Variants in EPHA3 observed in about 807,000 individuals in gnomAD.
EPHA3 encodes ephrin type-A receptor 3.
EPHA3 carries 42 observed loss-of-function variants against 107.1 expected under a neutral mutation model. The observed-to-expected ratio is 0.39, with a 90% CI of 0.31 to 0.51. EPHA3 has a LOEUF of 0.51. Ranked by LOEUF, EPHA3 falls within the 20% of genes least tolerant of loss-of-function variation. The pLI is 0.78. For synonymous variants in EPHA3, 461 were observed against 424.8 expected (o/e 1.09, Z -1.05); for missense variants, 1,183 against 1,211.2 (o/e 0.98, Z 0.35).
intron 3 of EPHA3, among the ~76,000 whole-genome samples, chr3:89,272,149 T>G (rs975100439): frequency 6.6e-6 from 1 of 151,884 alleles, no homozygotes; most frequent in Admixed American, 6.6e-5. Flanking sequence ...CAGTAGGCTA[T>G]TAGTAAAGTT....
intron 3 of EPHA3, among the ~76,000 whole-genome samples, chr3:89,307,732 T>C (rs1378581317): frequency 6.6e-6 from 1 of 152,064 alleles, no homozygotes; most frequent in Non-Finnish European, 1.5e-5. Context: ...TTGTATTTTT[T>C]TGCAGAGACA....
intron 13 of EPHA3, among the ~76,000 whole-genome samples, chr3:89,446,208 A>G (rs373373410): frequency 2.0e-5 from 3 of 152,186 alleles, no homozygotes; most frequent in African/African-American, 7.2e-5. Flanking sequence ...GTAACCATGT[A>G]TTTCATTAGA....
chr3:89,205,049 T>C (rs1408146905), intron 2 of EPHA3, among the ~76,000 whole-genome samples: 1 of 152,174 alleles, frequency 6.6e-6, no homozygotes, highest in African/African-American at 2.4e-5. Context: ...TATATTGTCA[T>C]CCACAAATTT....
At chr3:89,471,421 T>C (rs1041874471) in intron 15 of EPHA3, among the ~76,000 whole-genome samples, 3 of 152,136 alleles carry the variant, frequency 2.0e-5, no homozygotes, top group Non-Finnish European at 2.9e-5. Flanking sequence ...CAGGCTGGAG[T>C]GCAATGGCAT....
chr3:89,445,169 G>A lies in EPHA3; in HGVS notation c.2347-4056G>A, dbSNP rs548085507. Among the ~76,000 whole-genome samples the A allele has an allele frequency of 3.7e-3, 565 of 152,236 alleles. 2 individuals carry two copies. Among genetic ancestry groups the A allele is most frequent in the African/African-American group, 0.013 (554 of 41,546 alleles). On this transcript the variant is annotated intron_variant, in intron 13 of 16. Coordinates refer to ENST00000336596, the MANE Select transcript of EPHA3 (RefSeq NM_005233.6). ...TAATCCCAGCTACTAAGGAGGCTGAGGCACAAGAATTGCTTGAGCCTGAGA... is the reference window on the plus strand; with the variant it reads ...TAATCCCAGCTACTAAGGAGGCTGAAGCACAAGAATTGCTTGAGCCTGAGA...
At chr3:89,390,870 C>T (rs567904841) in intron 5 of EPHA3, among the ~76,000 whole-genome samples, 61 of 148,644 alleles carry the variant, frequency 4.1e-4, no homozygotes, top group African/African-American at 1.5e-3. Context: ...CACTTGCAAC[C>T]TCCGCCTCCC....
intron 3 of EPHA3, among the ~76,000 whole-genome samples, chr3:89,236,233 C>A (rs994606237): frequency 2.6e-5 from 4 of 151,712 alleles, no homozygotes; most frequent in Non-Finnish European, 5.9e-5. Flanking sequence ...TAAATATATA[C>A]CCCCCAAAAA....
chr3:89,231,489 T>A (rs1443240759), intron 3 of EPHA3, among the ~76,000 whole-genome samples: 1 of 152,224 alleles, frequency 6.6e-6, no homozygotes, highest in Non-Finnish European at 1.5e-5. Flanking sequence ...CTTCCTTCCC[T>A]CATCTAGCTC....
At chr3:89,191,687 G>T (rs866722721) in intron 2 of EPHA3, among the ~76,000 whole-genome samples, 31 of 152,024 alleles carry the variant, frequency 2.0e-4, no homozygotes, top group African/African-American at 6.8e-4. Context: ...TGGTTAATTG[G>T]TTACCCAGTT....
At chr3:89,476,756 C>T (rs1242898071) in intron 16 of EPHA3, among the ~76,000 whole-genome samples, 2 of 151,530 alleles carry the variant, frequency 1.3e-5, no homozygotes, top group Non-Finnish European at 2.9e-5. Context: ...TACAGGCGCC[C>T]GCCACCACGC....
At chr3:89,397,332 C>T (rs1708869553) in intron 6 of EPHA3, among the ~76,000 whole-genome samples, 2 of 152,054 alleles carry the variant, frequency 1.3e-5, no homozygotes, top group South Asian at 4.1e-4. Context: ...GATCTATTTT[C>T]AGAAGTGTGA....
intron 3 of EPHA3, among the ~76,000 whole-genome samples, chr3:89,268,182 A>T (rs1705583013): frequency 6.6e-6 from 1 of 152,124 alleles, no homozygotes; most frequent in South Asian, 2.1e-4. Flanking sequence ...GAAACAATTC[A>T]CTTGCCCCAG....
At chr3:89,306,213 A>G (rs1475367664) in intron 3 of EPHA3, among the ~76,000 whole-genome samples, 14 of 152,180 alleles carry the variant, frequency 9.2e-5, no homozygotes, top group African/African-American at 3.4e-4. Context: ...CCTGAGGCAC[A>G]AAGAGATTAG....
intron 2 of EPHA3, among the ~76,000 whole-genome samples, chr3:89,133,898 T>C (rs1704256866): frequency 1.3e-5 from 2 of 152,158 alleles, no homozygotes; most frequent in African/African-American, 4.8e-5. Flanking sequence ...TTGGAGCTTC[T>C]TCTTGGTCGA....
chr3:89,180,971 G>A (rs1705431108), intron 2 of EPHA3, among the ~76,000 whole-genome samples: 1 of 151,842 alleles, frequency 6.6e-6, no homozygotes, highest in African/African-American at 2.4e-5. Context: ...CCAAGTGACT[G>A]ATAAACCCCT....
At chr3:89,121,260 A>AAAT (rs1553703667) in intron 1 of EPHA3, among the ~76,000 whole-genome samples, 3 of 151,204 alleles carry the variant, frequency 2.0e-5, no homozygotes, top group African/African-American at 4.9e-5. Context: ...ATAAATAAAT[A>AAAT]AAATAAATTA....
At chr3:89,311,354 C>A (rs1264763468) in intron 3 of EPHA3, among the ~76,000 whole-genome samples, 1 of 152,008 alleles carries the variant, frequency 6.6e-6, no homozygotes, top group Middle Eastern at 3.4e-3. Flanking sequence ...ATTACAATTT[C>A]TTTGTTCTTG....
chr3:89,129,437 C>T (rs887133195), intron 2 of EPHA3, among the ~76,000 whole-genome samples: 1 of 151,976 alleles, frequency 6.6e-6, no homozygotes, highest in African/African-American at 2.4e-5. Flanking sequence ...ATGAAACTTA[C>T]AATACCTGAG....
At chr3:89,207,736 T>C (rs1313672674) in intron 2 of EPHA3, among the ~76,000 whole-genome samples, 1 of 152,086 alleles carries the variant, frequency 6.6e-6, no homozygotes, top group Non-Finnish European at 1.5e-5. Context: ...ATTCATAAAT[T>C]TAACTACAAT....
Sources: allele counts gnomAD v4.1 joint callset (sites outside exome capture counted in the v4.1 genomes callset), GRCh38; gene constraint gnomAD v4.1.1; transcripts MANE v1.5; gene names NCBI Gene and HGNC (gene_info 2026-07-23, HGNC 2026-07-21).